Variants in CRMP1 observed in about 807,000 individuals in gnomAD.
CRMP1 encodes collapsin response mediator protein 1, also known as dihydropyrimidinase-related protein 1.
Under a neutral mutation model 68.3 loss-of-function variants are expected in CRMP1, and 19 were observed. That is an observed-to-expected ratio of 0.28 (90% confidence interval 0.19 to 0.41). The LOEUF (loss-of-function observed/expected upper bound fraction) is 0.41, where lower values mean the gene tolerates loss of function less well. Among genes scored for constraint, CRMP1 ranks in the 10% least tolerant of loss-of-function variants. The pLI, the probability that CRMP1 is intolerant of heterozygous loss-of-function variation, is 1.00. For synonymous variants in CRMP1, 439 were observed against 399.6 expected, an observed-to-expected ratio of 1.10 and a Z score of -1.18; for missense variants, 791 against 967.4, an observed-to-expected ratio of 0.82 and a Z score of 2.42.
intron 11 of CRMP1, among the ~76,000 whole-genome samples, chr4:5,832,584 G>GA (rs1351568186): frequency 1.3e-5 from 2 of 152,140 alleles, no homozygotes; most frequent in Non-Finnish European, 2.9e-5. Flanking sequence ...TCCATGTTCT[G>GA]AAAAAATTGC....
chr4:5,867,237 T>TAGAC (rs149679483), intron 1 of CRMP1, among the ~76,000 whole-genome samples: 2,612 of 152,314 alleles, frequency 0.017, 74 homozygotes, highest in African/African-American at 0.059. Context: ...GATGGTCTCA[T>TAGAC]AGACGTCTTT....
rs1713990697 is a variant in CRMP1, at chr4:5,866,235, C to T, written c.470+433G>A. ...ACATTCCTCCTTCCTCTCTGCTCTC[C>T]TCAACCCAATTCCAGAAACTGTGGG... On this transcript the variant is annotated intron_variant, in intron 2 of 13. Coordinates refer to ENST00000324989, the MANE Select transcript of CRMP1 (RefSeq NM_001014809.3). This position sits in a 1 kb window ranked among gnomAD's most constrained non-coding sequence, Gnocchi z 5.9. 6.6e-6 allele frequency among the ~76,000 whole-genome samples: 1 copy of T among 152,174 alleles called. No individual in the cohort carries two copies. Among genetic ancestry groups the T allele is most frequent in the African/African-American group, 2.4e-5 (1 of 41,424 alleles).
chr4:5,852,292 T>G (rs1012589094), intron 4 of CRMP1, among the ~76,000 whole-genome samples: 1 of 152,218 alleles, frequency 6.6e-6, no homozygotes, highest in Non-Finnish European at 1.5e-5. Flanking sequence ...GGGTTTCACT[T>G]TCCCCATTTC....
At chr4:5,844,562 A>G (rs148663708) in intron 6 of CRMP1, among the ~76,000 whole-genome samples, 47 of 152,352 alleles carry the variant, frequency 3.1e-4, no homozygotes, top group African/African-American at 1.1e-3. Context: ...CAAGAGAAAG[A>G]GACACACAGG....
intron 4 of CRMP1, among the ~76,000 whole-genome samples, chr4:5,851,827 A>T (rs1394472238): frequency 6.8e-6 from 1 of 146,040 alleles, no homozygotes; most frequent in African/African-American, 2.6e-5. Flanking sequence ...GAGGAGGAGA[A>T]AGAAGGAGAA....
Position 5,825,867 on chromosome 4 carries a change from A to C in CRMP1, c.1804-208T>G. 1.8e-6 allele frequency: 1 copy of C among 563,534 alleles called. No homozygotes were observed. The highest frequency in any genetic ancestry group is 2.4e-5 in the South Asian group (1 of 41,808). The allele number at this position is 563,534 out of a possible 1,614,324, so 34.9% of individuals were successfully genotyped here. On this transcript the variant is annotated intron_variant, in intron 12 of 13. Transcript: ENST00000324989. The surrounding 1 kb of genome is among the most constrained non-coding windows in gnomAD (Gnocchi z 4.4). The stretch of plus-strand genomic sequence containing the variant: ...TTCATACACACAAGCATGCATACAC[A>C]CACATCTACATACCCACATGCATAC...
intron 11 of CRMP1, among the ~76,000 whole-genome samples, chr4:5,833,928 C>A (rs184855749): frequency 1.0e-3 from 155 of 152,294 alleles, no homozygotes; most frequent in African/African-American, 3.3e-3. Flanking sequence ...CACCTGTAGT[C>A]CCAGCTACTC....
chr4:5,851,977 GGAGGAAGAGGAAGAGGAGGAGAAA>G (rs1376578023), intron 4 of CRMP1, among the ~76,000 whole-genome samples: 12 of 150,026 alleles, frequency 8.0e-5, no homozygotes, highest in African/African-American at 2.9e-4. Flanking sequence ...AGGAAGAGGA[GGAGGAAGAGGAAGAGGAGGAGAAA>G]GAGGACGAGG....
rs1267326200 is a variant in CRMP1 at position 5,892,089 on chromosome 4, T to C, written c.381+500A>G. Among the ~76,000 whole-genome samples, 2 of 152,134 alleles carry C rather than the reference T, an allele frequency of 1.3e-5. No homozygotes were observed. The highest frequency in any genetic ancestry group is 6.5e-5 in the Admixed American group (1 of 15,276). On this transcript the variant is annotated intron_variant, in intron 1 of 13. Coordinates refer to ENST00000324989, the MANE Select transcript of CRMP1 (RefSeq NM_001014809.3). This position sits in a 1 kb window ranked among gnomAD's most constrained non-coding sequence, Gnocchi z 8.6. Reference sequence around the variant, plus strand: ...CTCGGAAAAAAAGCTCCTTCCAGCTTTAAGCTGTGTGGCCGCAGGCGACTC... The same window carrying C: ...CTCGGAAAAAAAGCTCCTTCCAGCTCTAAGCTGTGTGGCCGCAGGCGACTC...
Position 5,825,659 on chromosome 4 carries a change from C to T in CRMP1, c.1804G>A (p.Val602Ile). 1 of 1,612,616 alleles carries T rather than the reference C, an allele frequency of 6.2e-7. No individual in the cohort carries two copies. Among genetic ancestry groups the T allele is most frequent in the African/African-American group, 1.3e-5 (1 of 74,946 alleles). ...CTGGAAACCCCTTGCAATCCAAAAA[C>T]CTAAACAGAGGAAGGGAGAGTGTGA... ...LYQRVKIRNKVFGLQGVSRGM... is the reference protein window; with the variant it reads ...LYQRVKIRNKIFGLQGVSRGM... Residue 602 changes from valine to isoleucine, a missense_variant and splice_region_variant, in exon 13 of 14, where the codon GTT becomes ATT. Around this residue, in one of 3 missense-constraint regions of CRMP1, gnomAD observed 594 missense variants for 763.6 expected, o/e 0.78. Transcript: ENST00000324989. This position sits in a 1 kb window ranked among gnomAD's most constrained non-coding sequence, Gnocchi z 4.4.
In CRMP1 at chr4:5,825,795, GCACA is replaced by G. The variant is rs1719479577; in HGVS notation, c.1804-140_1804-137del. 1.3e-6 allele frequency: 1 copy of G among 789,948 alleles called. No individual in the cohort carries two copies. Among genetic ancestry groups the G allele is most frequent in the Non-Finnish European group, 2.0e-6 (1 of 496,072 alleles). The allele number at this position is 789,948 out of a possible 1,614,324, so 48.9% of individuals were successfully genotyped here. A position where few individuals can be genotyped will look rare whatever the true frequency, so the allele number is the denominator to read the frequency against. On this transcript the variant is annotated intron_variant, in intron 12 of 13. Coordinates refer to ENST00000324989, the MANE Select transcript of CRMP1 (RefSeq NM_001014809.3). This position sits in a 1 kb window ranked among gnomAD's most constrained non-coding sequence, Gnocchi z 4.4. ...GTGCATGCACACACACACACAACAC[GCACA>G]CACGACAGGTGCACTTCACACACAT...
intron 8 of CRMP1, among the ~76,000 whole-genome samples, 163 bp from the exon 9 acceptor site, chr4:5,839,841 T>C (rs1407792138): frequency 2.0e-5 from 3 of 152,214 alleles, no homozygotes; most frequent in African/African-American, 7.2e-5. Context: ...GCAGGGACCT[T>C]GGGTGTCCGG....
chr4:5,846,162 G>A (rs908120945), intron 6 of CRMP1, among the ~76,000 whole-genome samples: 4 of 152,120 alleles, frequency 2.6e-5, no homozygotes, highest in South Asian at 4.1e-4. Context: ...TAGGCGTGGT[G>A]GCGCATGCCT....
intron 11 of CRMP1, among the ~76,000 whole-genome samples, chr4:5,830,287 CCT>C (rs1277717500): frequency 6.6e-6 from 1 of 152,150 alleles, no homozygotes; most frequent in Admixed American, 6.5e-5. Context: ...CCTCCCTGGT[CCT>C]CTGTCTCTGG....
chr4:5,889,396 G>A lies in CRMP1; in HGVS notation c.381+3193C>T, dbSNP rs868838438. Among the ~76,000 whole-genome samples the A allele has an allele frequency of 6.6e-6, 1 of 152,168 alleles. No homozygotes were observed. The stretch of plus-strand genomic sequence containing the variant: ...CCTGGGGACAAGCTGGGGGTCAGGA[G>A]GAGGACTAGGGTGCTCCTGCCTCCC... On this transcript the variant is annotated intron_variant, in intron 1 of 13. Transcript: ENST00000324989. The surrounding 1 kb of genome is among the most constrained non-coding windows in gnomAD (Gnocchi z 4.5).
rs1303773518 is a variant in CRMP1, at chr4:5,890,936, G to A, written c.381+1653C>T. Among the ~76,000 whole-genome samples the A allele has an allele frequency of 6.6e-6, 1 of 152,172 alleles. No homozygotes were observed. The highest frequency in any genetic ancestry group is 1.5e-5 in the Non-Finnish European group (1 of 68,018). The stretch of plus-strand genomic sequence containing the variant: ...CGGCCACCCCCATCTGACAGATGGA[G>A]AAGCTGAGGCCCAAGAGAGCAAAGC... On this transcript the variant is annotated intron_variant, in intron 1 of 13. Transcript: ENST00000324989. The surrounding 1 kb of genome is among the most constrained non-coding windows in gnomAD (Gnocchi z 5.5).
At chr4:5,851,883 G>C (rs1483635651) in intron 4 of CRMP1, among the ~76,000 whole-genome samples, 1 of 109,448 alleles carries the variant, frequency 9.1e-6, no homozygotes, top group Non-Finnish European at 2.0e-5. Context: ...AGAGGAAGAG[G>C]AAGAGGAGGA....
chr4:5,828,212 G>T (rs1051335887), intron 12 of CRMP1: 70 of 985,298 alleles, frequency 7.1e-5, no homozygotes, highest in African/African-American at 3.5e-5. Flanking sequence ...GCCCAGAGCA[G>T]CTTGGTAAGC....
At position 5,825,150 on chromosome 4, in the gene CRMP1, C is replaced by T. The variant is rs558671535; in HGVS notation, c.1969+344G>A. The T allele has an allele frequency of 1.0e-6, 1 of 985,404 alleles. No homozygotes were observed. The highest frequency in any genetic ancestry group is 1.7e-5 in the African/African-American group (1 of 57,348). The allele number at this position is 985,404 out of a possible 1,614,324, so 61.0% of individuals were successfully genotyped here. On this transcript the variant is annotated intron_variant, in intron 13 of 13. Coordinates refer to ENST00000324989, the MANE Select transcript of CRMP1 (RefSeq NM_001014809.3). This position sits in a 1 kb window ranked among gnomAD's most constrained non-coding sequence, Gnocchi z 4.4. ...CCCTGCAAATGGCAGCTACTCCCAT[C>T]TCTTGTTCATCCCCACCACTCCATG...
Sources: allele counts gnomAD v4.1 joint callset (sites outside exome capture counted in the v4.1 genomes callset), GRCh38; gene constraint gnomAD v4.1.1; regional missense constraint gnomAD v4.1.1; non-coding constraint Gnocchi (gnomAD v3.1); transcripts MANE v1.5; gene names NCBI Gene and HGNC (gene_info 2026-07-23, HGNC 2026-07-21).